TNFAIP6: variants seen among roughly 807,000 people sequenced by gnomAD.
TNFAIP6 encodes the protein TNF alpha induced protein 6.
TNFAIP6 carries 36 observed loss-of-function variants against 33.7 expected under a neutral mutation model. The ratio of observed to expected loss-of-function variants is 1.07; its 90% confidence interval spans 0.82 to 1.41. TNFAIP6 has a LOEUF of 1.41. Ranked by LOEUF, TNFAIP6 falls within the 40% of genes most tolerant of loss-of-function variation. The pLI, the probability that TNFAIP6 is intolerant of heterozygous loss-of-function variation, is 0.00. For synonymous variants in TNFAIP6, 113 were observed against 112.8 expected, an observed-to-expected ratio of 1.00 and a Z score of -0.01; for missense variants, 273 against 331.9, an observed-to-expected ratio of 0.82 and a Z score of 1.38.
intron 4 of TNFAIP6, among the ~76,000 whole-genome samples, chr2:151,371,569 T>C (rs1573784137): frequency 1.3e-5 from 2 of 152,100 alleles, no homozygotes; most frequent in East Asian, 1.9e-4. Flanking sequence ...TTTGTTTTGT[T>C]TTCTTCTTTC....
chr2:151,365,177 C>CA (rs534981045), intron 2 of TNFAIP6, among the ~76,000 whole-genome samples: 5 of 151,778 alleles, frequency 3.3e-5, no homozygotes, highest in Non-Finnish European at 5.9e-5. Flanking sequence ...CTCATCTCTA[C>CA]AAAAAAAATT....
intron 1 of TNFAIP6, among the ~76,000 whole-genome samples, chr2:151,361,637 A>G (rs900490722): frequency 6.6e-6 from 1 of 152,194 alleles, no homozygotes; most frequent in African/African-American, 2.4e-5. Context: ...CTATTTCAAG[A>G]TAAAGAAATT....
At chr2:151,379,183 C>G (rs1253223434) in intron 5 of TNFAIP6, among the ~76,000 whole-genome samples, 181 bp from the exon 6 acceptor site, 2 of 152,172 alleles carry the variant, frequency 1.3e-5, no homozygotes, top group African/African-American at 2.4e-5. Context: ...ACAAACGTCT[C>G]TCACCCTGTT....
intron 4 of TNFAIP6, chr2:151,372,367 C>T (rs1167849138): frequency 1.3e-5 from 2 of 151,854 alleles, no homozygotes; most frequent in African/African-American, 4.8e-5. Flanking sequence ...TATAATTTAC[C>T]CTTTAGGTAA....
chr2:151,366,069 T>A lies in TNFAIP6; in HGVS notation c.246T>A (p.Cys82Ter). ...EAARKIGFHV[C>*]AAGWMAKGRV... ...TTCTTCTTGCAGGATTTCATGTCTG[T>A]GCTGCTGGATGGATGGCTAAGGGCA... The change falls in exon 3 of 6, where the codon TGT (cysteine) becomes TGA (stop). Residue 82 changes from cysteine to a stop codon, truncating the protein, a stop_gained. Coordinates refer to ENST00000243347, the MANE Select transcript of TNFAIP6 (RefSeq NM_007115.4). LOFTEE classifies it high-confidence loss of function. 5 of 1,614,138 alleles carry A rather than the reference T, an allele frequency of 3.1e-6. No individual in the cohort carries two copies. The highest frequency in any genetic ancestry group is 1.7e-5 in the Admixed American group (1 of 60,018).
intron 5 of TNFAIP6, among the ~76,000 whole-genome samples, chr2:151,379,049 G>A (rs61581451): frequency 0.32 from 48,701 of 151,938 alleles, 9,477 homozygotes; most frequent in Admixed American, 0.49. Context: ...GCGGTGAGCC[G>A]AGATCGCGCC....
chr2:151,375,000 C>G (rs1032272344), intron 5 of TNFAIP6, among the ~76,000 whole-genome samples: 44 of 151,970 alleles, frequency 2.9e-4, no homozygotes, highest in African/African-American at 8.5e-4. Flanking sequence ...AGGCACATGC[C>G]TGTAATCCCA....
In TNFAIP6 at chr2:151,371,767, G is replaced by T. The variant is rs547052869; in HGVS notation, c.623+1519G>T. On this transcript the variant is annotated intron_variant, in intron 4 of 5. Transcript: ENST00000243347. Reference sequence around the variant, plus strand: ...CTACCACTACACCTGGCTAATTTTTGTATTTTTAGTAGAGGTGGGGTTTCA... The same window carrying T: ...CTACCACTACACCTGGCTAATTTTTTTATTTTTAGTAGAGGTGGGGTTTCA... 7.0e-4 allele frequency among the ~76,000 whole-genome samples: 106 copies of T among 151,872 alleles called. 2 individuals carry two copies. Among genetic ancestry groups the T allele is most frequent in the African/African-American group, 2.4e-3 (101 of 41,442 alleles).
intron 4 of TNFAIP6, among the ~76,000 whole-genome samples, chr2:151,371,313 T>C (rs1429997397): frequency 6.6e-6 from 1 of 152,190 alleles, no homozygotes; most frequent in African/African-American, 2.4e-5. Flanking sequence ...TACAATTAGG[T>C]ATTTTATATA....
At chr2:151,377,616 T>C (rs1252564583) in intron 5 of TNFAIP6, among the ~76,000 whole-genome samples, 1 of 152,170 alleles carries the variant, frequency 6.6e-6, no homozygotes, top group Admixed American at 6.5e-5. Context: ...TAATCTAAGT[T>C]GAATTTTTGG....
chr2:151,368,732 A>G (rs1234701854), intron 3 of TNFAIP6, among the ~76,000 whole-genome samples: 1 of 152,070 alleles, frequency 6.6e-6, no homozygotes, highest in African/African-American at 2.4e-5. Context: ...GTGACTTTAA[A>G]GTCTCTTGCG....
At position 151,379,419 on chromosome 2, in the gene TNFAIP6, C is replaced by G. The variant is rs1684976481; in HGVS notation, c.720C>G (p.Phe240Leu). The G allele has an allele frequency of 1.9e-6, 3 of 1,608,646 alleles. No individual in the cohort carries two copies. The highest frequency in any genetic ancestry group is 2.7e-5 in the African/African-American group (2 of 74,372). Reference protein sequence around the residue: ...LSDASVTAGGFQIKYVAMDPV... With the variant: ...LSDASVTAGGLQIKYVAMDPV... The stretch of plus-strand genomic sequence containing the variant: ...ATGCTTCAGTGACAGCTGGAGGTTT[C>G]CAAATCAAATATGTTGCAATGGATC... Residue 240 changes from phenylalanine (F) to leucine (L), a missense_variant, in exon 6 of 6, where the codon TTC becomes TTG. Transcript: ENST00000243347.
intron 5 of TNFAIP6, among the ~76,000 whole-genome samples, chr2:151,375,849 G>A (rs564890651): frequency 1.3e-4 from 20 of 152,262 alleles, no homozygotes; most frequent in Non-Finnish European, 2.1e-4. Flanking sequence ...ATGGTAGCTC[G>A]TGCCTATAAT....
chr2:151,377,862 G>A (rs1684943532), intron 5 of TNFAIP6, among the ~76,000 whole-genome samples: 1 of 152,068 alleles, frequency 6.6e-6, no homozygotes. Context: ...ATCAGAGCAT[G>A]AACTCGGAAA....
intron 2 of TNFAIP6, among the ~76,000 whole-genome samples, chr2:151,365,586 C>A (rs1684695803): frequency 6.6e-6 from 1 of 152,034 alleles, no homozygotes; most frequent in South Asian, 2.1e-4. Flanking sequence ...TTGGAGTGAG[C>A]CAAGATTGCA....
At chr2:151,363,142 C>T (rs1684656308) in intron 1 of TNFAIP6, among the ~76,000 whole-genome samples, 3 of 150,870 alleles carry the variant, frequency 2.0e-5, no homozygotes, top group Admixed American at 1.3e-4. Context: ...ATGATGAAAC[C>T]TCGTCTCTAC....
Position 151,373,549 on chromosome 2 carries a change from A to G in TNFAIP6, c.624A>G (p.Arg208=), listed in dbSNP as rs1341350975. ...SYDDVHGFVG[R]YCGDELPDDI... ...CTCTTTTCTAAAAATTCCTTTTCAGATACTGTGGAGATGAGCTTCCAGATG... is the reference window on the plus strand; with the variant it reads ...CTCTTTTCTAAAAATTCCTTTTCAGGTACTGTGGAGATGAGCTTCCAGATG... Residue 208 remains arginine (R), a splice_region_variant and synonymous_variant, in exon 5 of 6, where the codon AGA becomes AGG. Coordinates refer to ENST00000243347, the MANE Select transcript of TNFAIP6 (RefSeq NM_007115.4). The G allele has an allele frequency of 2.3e-5, 35 of 1,542,770 alleles. No individual in the cohort carries two copies. Among genetic ancestry groups the G allele is most frequent in the Non-Finnish European group, 3.1e-5 (35 of 1,138,894 alleles).
At chr2:151,366,264 C>G in intron 3 of TNFAIP6, 47 bp downstream of exon 3, 3 of 1,568,500 alleles carry the variant, frequency 1.9e-6, no homozygotes, top group Non-Finnish European at 2.6e-6. Context: ...CAGTTCCATG[C>G]TGCTAAGAGG....
chr2:151,369,960 C>A, intron 3 of TNFAIP6, 60 bp from the exon 4 acceptor site: 1 of 1,274,034 alleles, frequency 7.8e-7, no homozygotes, highest in East Asian at 2.3e-5. Context: ...TCATTTTTAA[C>A]AGGGATAATG....
Sources: allele counts gnomAD v4.1 joint callset (sites outside exome capture counted in the v4.1 genomes callset), GRCh38; gene constraint gnomAD v4.1.1; transcripts MANE v1.5; gene names NCBI Gene and HGNC (gene_info 2026-07-23, HGNC 2026-07-21).